Variants in LRP1B observed in about 807,000 individuals in gnomAD.
The protein encoded by LRP1B is LDL receptor related protein 1B, also known as low-density lipoprotein receptor-related protein 1B.
A neutral mutation model predicts 556.6 loss-of-function variants in LRP1B; 217 were observed. The observed-to-expected ratio is 0.39, with a 90% CI of 0.35 to 0.44. The LOEUF (loss-of-function observed/expected upper bound fraction) is 0.44. LRP1B is among the 20% of genes least tolerant of loss of function. The probability of loss-of-function intolerance (pLI) is 1.00; values close to 1 mark genes in which losing one functional copy is unlikely to be tolerated. For synonymous variants in LRP1B, 2,047 were observed against 1,865.8 expected, an observed-to-expected ratio of 1.10 and a Z score of -2.50; for missense variants, 5,053 against 5,620.8, an observed-to-expected ratio of 0.90 and a Z score of 3.23.
At chr2:142,092,526 GAAA>G (rs1294617924) in intron 1 of LRP1B, among the ~76,000 whole-genome samples, 3 of 152,008 alleles carry the variant, frequency 2.0e-5, no homozygotes, top group Admixed American at 1.3e-4. Flanking sequence ...ACAAATACAA[GAAA>G]TCCAATGCTT....
chr2:141,340,512 C>G (rs963695143), intron 3 of LRP1B, among the ~76,000 whole-genome samples: 1 of 152,064 alleles, frequency 6.6e-6, no homozygotes, highest in African/African-American at 2.4e-5. Flanking sequence ...AGCAAAAATG[C>G]CTTTAATAAA....
In LRP1B at chr2:140,503,005, G is replaced by A. The variant is rs2104895812; in HGVS notation, c.8620C>T (p.His2874Tyr). The change falls in exon 54 of 91, where the codon CAT (histidine) becomes TAT (tyrosine). Residue 2874 changes from histidine (H) to tyrosine (Y), a missense_variant. By Grantham distance (83) the His-to-Tyr change is moderately conservative (BLOSUM62 2). Coordinates refer to ENST00000389484, the MANE Select transcript of LRP1B (RefSeq NM_018557.3). ...GGGTTTAAAGGTGCTTCATCAGAAT[G>A]GTCAGGACAGTCAAAGTCTCCATCA... Reference protein sequence around the residue: ...QCDGDFDCPDHSDEAPLNPKC... With the variant: ...QCDGDFDCPDYSDEAPLNPKC... 1 of 1,613,298 alleles carries A rather than the reference G, an allele frequency of 6.2e-7. No individual in the cohort carries two copies. Among genetic ancestry groups the A allele is most frequent in the Non-Finnish European group, 8.5e-7 (1 of 1,179,384 alleles).
At chr2:141,087,098 A>G (rs1318012353) in intron 7 of LRP1B, among the ~76,000 whole-genome samples, 1 of 152,168 alleles carries the variant, frequency 6.6e-6, no homozygotes, top group Non-Finnish European at 1.5e-5. Context: ...TAGAATGTGG[A>G]CTAGAGTTGA....
At chr2:140,454,353 G>A (rs1031645554) in intron 62 of LRP1B, among the ~76,000 whole-genome samples, 5 of 151,896 alleles carry the variant, frequency 3.3e-5, no homozygotes, top group African/African-American at 1.2e-4. Context: ...GTTTCACTAC[G>A]TTGGCCAGGC....
Position 140,766,769 on chromosome 2 carries a change from C to G in LRP1B, c.5758+2444G>C, listed in dbSNP as rs535780961. Among the ~76,000 whole-genome samples, 4 of 144,046 alleles carry G rather than the reference C, an allele frequency of 2.8e-5. No homozygotes were observed. The South Asian group carries it at 8.7e-4, about 31-fold the overall frequency. 94.5% of individuals were successfully genotyped at this position (144,046 alleles called of 152,430 possible). ...AATATCAGTTGAGAGAACAGTAAAG[C>G]CAAATCCTAGCTAATTAGAAATTTA... is the stretch of plus-strand genomic sequence containing the variant. On this transcript the variant is annotated intron_variant, in intron 35 of 90. Coordinates refer to ENST00000389484, the MANE Select transcript of LRP1B (RefSeq NM_018557.3).
intron 2 of LRP1B, among the ~76,000 whole-genome samples, chr2:141,624,268 T>C (rs1688626375): frequency 6.6e-6 from 1 of 151,960 alleles, no homozygotes; most frequent in Admixed American, 6.6e-5. Context: ...TTATACAACC[T>C]GAGTAAGTAT....
intron 18 of LRP1B, among the ~76,000 whole-genome samples, chr2:140,972,459 TAG>T (rs1696455735): frequency 1.3e-5 from 2 of 152,030 alleles, no homozygotes; most frequent in Middle Eastern, 3.2e-3. Flanking sequence ...TGGAGAAAAA[TAG>T]AGTGTCTAAT....
At chr2:140,421,156 G>A (rs1160592093) in intron 66 of LRP1B, among the ~76,000 whole-genome samples, 2 of 152,112 alleles carry the variant, frequency 1.3e-5, no homozygotes, top group Admixed American at 6.5e-5. Context: ...TCGGGAGGCT[G>A]AGGCAGGAGA....
intron 41 of LRP1B, among the ~76,000 whole-genome samples, chr2:140,622,304 C>A (rs574414075): frequency 1.4e-4 from 21 of 152,262 alleles, no homozygotes; most frequent in Non-Finnish European, 2.6e-4. Flanking sequence ...TGAAAATATG[C>A]ATAAACAATG....
intron 51 of LRP1B, among the ~76,000 whole-genome samples, chr2:140,511,854 C>G (rs1689675940): frequency 6.6e-6 from 1 of 152,074 alleles, no homozygotes; most frequent in Non-Finnish European, 1.5e-5. Flanking sequence ...TCAGTACTTT[C>G]TATAATAAAA....
intron 41 of LRP1B, among the ~76,000 whole-genome samples, chr2:140,614,035 G>A (rs1383324668): frequency 6.6e-6 from 1 of 151,926 alleles, no homozygotes; most frequent in African/African-American, 2.4e-5. Context: ...TTCTAACTTC[G>A]ATTATTGAAA....
intron 35 of LRP1B, among the ~76,000 whole-genome samples, chr2:140,743,599 G>T (rs1212010635): frequency 6.6e-6 from 1 of 152,028 alleles, no homozygotes; most frequent in Non-Finnish European, 1.5e-5. Flanking sequence ...TAAACTTAAA[G>T]CACTTTAACA....
intron 41 of LRP1B, among the ~76,000 whole-genome samples, chr2:140,626,933 T>C (rs1683685564): frequency 6.6e-6 from 1 of 152,174 alleles, no homozygotes; most frequent in South Asian, 2.1e-4. Context: ...AACCATGTTC[T>C]GCAAAGACAG....
At chr2:141,556,471 C>T (rs1175626730) in intron 2 of LRP1B, among the ~76,000 whole-genome samples, 2 of 151,828 alleles carry the variant, frequency 1.3e-5, no homozygotes, top group African/African-American at 4.8e-5. Context: ...GTACATTCAC[C>T]ATCTGCATGA....
At chr2:140,713,059 C>T (rs1463484130) in intron 37 of LRP1B, among the ~76,000 whole-genome samples, 8 of 151,942 alleles carry the variant, frequency 5.3e-5, no homozygotes, top group African/African-American at 1.2e-4. Context: ...CGTACACTAT[C>T]GCAGCTTATT....
At chr2:141,165,487 A>T (rs1465792143) in intron 7 of LRP1B, among the ~76,000 whole-genome samples, 3 of 152,018 alleles carry the variant, frequency 2.0e-5, no homozygotes, top group East Asian at 3.9e-4. Flanking sequence ...TTAGCTAATA[A>T]TTTTACATCA....
At chr2:140,383,134 A>G (rs944943946) in intron 67 of LRP1B, among the ~76,000 whole-genome samples, 1 of 152,142 alleles carries the variant, frequency 6.6e-6, no homozygotes, top group South Asian at 2.1e-4. Flanking sequence ...GCAACACATG[A>G]TGATATAGGT....
At chr2:141,993,072 T>TA (rs989158831) in intron 1 of LRP1B, among the ~76,000 whole-genome samples, 4 of 152,012 alleles carry the variant, frequency 2.6e-5, no homozygotes, top group African/African-American at 7.2e-5. Context: ...AAATCCATGG[T>TA]AAAAAACCAA....
intron 53 of LRP1B, among the ~76,000 whole-genome samples, chr2:140,503,992 C>T (rs780306170): frequency 2.0e-5 from 3 of 151,996 alleles, no homozygotes; most frequent in East Asian, 3.9e-4. Flanking sequence ...AGTATTTCTT[C>T]GCTCTCTCTC....
Sources: gnomAD v4.1 joint callset for allele counts (sites outside exome capture counted in the v4.1 genomes callset) on GRCh38, gnomAD v4.1.1 for gene constraint, MANE v1.5 for transcripts, NCBI Gene and HGNC (gene_info 2026-07-23, HGNC 2026-07-21) for gene names.